The following ATP8A2 variants were observed in gnomAD, a reference collection of about 807,000 sequenced individuals.
ATP8A2 encodes the protein phospholipid-transporting ATPase IB.
A neutral mutation model predicts 165.6 loss-of-function variants in ATP8A2; 100 were observed. The ratio of observed to expected loss-of-function variants is 0.60; its 90% confidence interval spans 0.51 to 0.71. The LOEUF (loss-of-function observed/expected upper bound fraction) is 0.71, where lower values mean the gene tolerates loss of function less well. Among genes scored for constraint, ATP8A2 ranks in the 30% least tolerant of loss-of-function variants. The probability of loss-of-function intolerance (pLI) is 0.00; values close to 1 mark genes in which losing one functional copy is unlikely to be tolerated. For missense variants in ATP8A2, 1,227 were observed against 1,479.5 expected, an observed-to-expected ratio of 0.83 and a Z score of 2.80; for synonymous variants, 543 against 548.8, an observed-to-expected ratio of 0.99 and a Z score of 0.15.
At position 25,674,924 on chromosome 13, in the gene ATP8A2, G is replaced by A. The variant is rs143734943; in HGVS notation, c.2212-24249G>A. Among the ~76,000 whole-genome samples, 100 of 152,296 alleles carry A rather than the reference G, an allele frequency of 6.6e-4. 1 individual carries two copies. Among genetic ancestry groups the A allele is most frequent in the African/African-American group, 2.0e-3 (84 of 41,558 alleles). On this transcript the variant is annotated intron_variant, in intron 24 of 36. Coordinates refer to ENST00000381655, the MANE Select transcript of ATP8A2 (RefSeq NM_016529.6). ...TTTGAACATAGCAGGTTTGCTGGTC[G>A]TGCTACTGAGTAGTTTGAAAGCAAA...
At chr13:25,774,664 G>C (rs1011473195) in intron 26 of ATP8A2, among the ~76,000 whole-genome samples, 185 bp from the exon 27 acceptor site, 1 of 152,218 alleles carries the variant, frequency 6.6e-6, no homozygotes, top group Non-Finnish European at 1.5e-5. Flanking sequence ...GTAGTTTCAA[G>C]AAGGATTTTA....
At chr13:25,806,610 A>G (rs1250186089) in intron 27 of ATP8A2, among the ~76,000 whole-genome samples, 2 of 152,088 alleles carry the variant, frequency 1.3e-5, no homozygotes, top group Admixed American at 6.6e-5. Flanking sequence ...TTGTGATCAG[A>G]TTAACCTCTT....
At chr13:25,593,501 G>T (rs2040149696) in intron 24 of ATP8A2, among the ~76,000 whole-genome samples, 1 of 152,140 alleles carries the variant, frequency 6.6e-6, no homozygotes, top group South Asian at 2.1e-4. Context: ...GAGTGATGGT[G>T]TGCACCCCAG....
intron 27 of ATP8A2, among the ~76,000 whole-genome samples, chr13:25,780,798 C>T (rs1237095592): frequency 6.6e-6 from 1 of 152,084 alleles, no homozygotes; most frequent in African/African-American, 2.4e-5. Context: ...GAATCTAATG[C>T]TGCCACTGAT....
intron 24 of ATP8A2, among the ~76,000 whole-genome samples, chr13:25,654,242 A>G (rs116234337): frequency 0.035 from 5,251 of 151,994 alleles, 158 homozygotes; most frequent in East Asian, 0.13. Context: ...GTCTCACTCT[A>G]TTACCCAGGC....
chr13:25,955,475 C>T (rs540238254), intron 33 of ATP8A2, among the ~76,000 whole-genome samples: 3 of 152,284 alleles, frequency 2.0e-5, no homozygotes, highest in Admixed American at 2.0e-4. Context: ...ATACAAACTA[C>T]CGTCAGAGAA....
Position 25,554,876 on chromosome 13 carries a change from TTAAAA to T in ATP8A2, c.1186-109_1186-105del, listed in dbSNP as rs2038934230. 9.0e-6 allele frequency: 6 copies of T among 664,024 alleles called. No individual in the cohort carries two copies. The East Asian group carries it at 1.7e-4, about 19-fold the overall frequency. The allele number at this position is 664,024 out of a possible 1,614,324, so 41.1% of individuals were successfully genotyped here. ...CGCCCAGCCAAAATCAGCATTTCTATTAAAATAAAAGGGTTTTAGATTACCCATTC... is the reference window on the plus strand; with the variant it reads ...CGCCCAGCCAAAATCAGCATTTCTATTAAAAGGGTTTTAGATTACCCATTC... On this transcript the variant is annotated intron_variant, in intron 12 of 36. Transcript: ENST00000381655.
intron 24 of ATP8A2, among the ~76,000 whole-genome samples, chr13:25,684,577 A>C (rs2042562400): frequency 6.6e-6 from 1 of 152,252 alleles, no homozygotes; most frequent in Non-Finnish European, 1.5e-5. Context: ...GTGTCTCAAG[A>C]ATTCTGATTT....
chr13:26,013,410 C>T (rs1312566144), intron 36 of ATP8A2, among the ~76,000 whole-genome samples: 1 of 152,188 alleles, frequency 6.6e-6, no homozygotes, highest in Non-Finnish European at 1.5e-5. Flanking sequence ...CGCGGTGGCT[C>T]ACGCCTGTAA....
At chr13:25,766,483 G>A (rs2044493137) in intron 25 of ATP8A2, among the ~76,000 whole-genome samples, 2 of 152,142 alleles carry the variant, frequency 1.3e-5, no homozygotes, top group Admixed American at 6.5e-5. Context: ...GTTGAGCGCT[G>A]CACGACTTCT....
At chr13:25,450,559 TCTCG>T (rs1373873788) in intron 1 of ATP8A2, among the ~76,000 whole-genome samples, 1 of 152,148 alleles carries the variant, frequency 6.6e-6, no homozygotes, top group Non-Finnish European at 1.5e-5. Context: ...TGAGACGGAG[TCTCG>T]CTCTGTCGCC....
chr13:25,675,921 T>A, intron 24 of ATP8A2, among the ~76,000 whole-genome samples: 1 of 152,242 alleles, frequency 6.6e-6, no homozygotes, highest in East Asian at 1.9e-4. Context: ...ATAATTAAAT[T>A]ATTTTTACAA....
At chr13:25,506,965 T>TATATATATATATATATC (rs1339106349) in intron 2 of ATP8A2, among the ~76,000 whole-genome samples, 1 of 91,416 alleles carries the variant, frequency 1.1e-5, no homozygotes, top group Non-Finnish European at 2.6e-5. Flanking sequence ...ATATATATCT[T>TATATATATATATATATC]ATTTTACATA....
At chr13:25,727,042 C>G (rs1187808636) in intron 25 of ATP8A2, among the ~76,000 whole-genome samples, 2 of 152,054 alleles carry the variant, frequency 1.3e-5, no homozygotes, top group African/African-American at 4.8e-5. Flanking sequence ...ATATCATATC[C>G]CCGTCCTTCT....
At chr13:25,411,926 A>G (rs781363916) in intron 1 of ATP8A2, among the ~76,000 whole-genome samples, 4 of 152,194 alleles carry the variant, frequency 2.6e-5, no homozygotes, top group Non-Finnish European at 5.9e-5. Context: ...TTCCTGCCCA[A>G]ACTCTTCTCC....
chr13:25,839,691 C>T lies in ATP8A2; in HGVS notation c.2956+67C>T. On this transcript the variant is annotated intron_variant, in intron 30 of 36. Coordinates refer to ENST00000381655, the MANE Select transcript of ATP8A2 (RefSeq NM_016529.6). ...AGCCGCTCTGCTGCCTGTGTGTTCA[C>T]AATTTTTTTTTCCAGTTCTGCAGAA... 7.3e-6 allele frequency: 10 copies of T among 1,369,818 alleles called. No individual in the cohort carries two copies. In the South Asian group the frequency reaches 1.2e-4, roughly 16 times the overall value. The allele number at this position is 1,369,818 out of a possible 1,614,324, so 84.9% of individuals were successfully genotyped here.
chr13:26,020,073 C>T lies in ATP8A2; in HGVS notation c.*88C>T. ...CATCTTTGTCAGAGAAGACTGGCGT[C>T]AGCAGCCAAAACACCAGGAAACACA... On this transcript the variant is annotated 3_prime_UTR_variant, in exon 37 of 37. Coordinates refer to ENST00000381655, the MANE Select transcript of ATP8A2 (RefSeq NM_016529.6). The T allele has an allele frequency of 1.0e-6, 1 of 969,810 alleles. No individual in the cohort carries two copies. The highest frequency in any genetic ancestry group is 2.0e-5 in the Admixed American group (1 of 50,804). The allele number at this position is 969,810 out of a possible 1,614,324, so 60.1% of individuals were successfully genotyped here. A position where few individuals can be genotyped will look rare whatever the true frequency, so the allele number is the denominator to read the frequency against.
chr13:25,738,811 T>C (rs1355885675), intron 25 of ATP8A2, among the ~76,000 whole-genome samples: 1 of 152,270 alleles, frequency 6.6e-6, no homozygotes, highest in African/African-American at 2.4e-5. Flanking sequence ...GGTGGCAAGG[T>C]AAATCTGCAT....
chr13:25,835,909 G>C (rs1191413930), intron 28 of ATP8A2, among the ~76,000 whole-genome samples: 7 of 152,104 alleles, frequency 4.6e-5, no homozygotes, highest in Non-Finnish European at 1.5e-5. Flanking sequence ...GATCGAATTG[G>C]CTTTTATTAG....
Sources: allele counts gnomAD v4.1 joint callset (sites outside exome capture counted in the v4.1 genomes callset), GRCh38; gene constraint gnomAD v4.1.1; transcripts MANE v1.5; gene names NCBI Gene and HGNC (gene_info 2026-07-23, HGNC 2026-07-21).